GPRC6A: variants seen among roughly 807,000 people sequenced by gnomAD.
GPRC6A encodes G protein-coupled receptor class C group 6 member A.
Under a neutral mutation model 47.0 loss-of-function variants are expected in GPRC6A, and 54 were observed. The observed-to-expected ratio is 1.15, with a 90% CI of 0.92 to 1.44. The LOEUF is 1.44. Ranked by LOEUF, GPRC6A falls within the 40% of genes most tolerant of loss-of-function variation. GPRC6A has a pLI of 0.00. For synonymous variants in GPRC6A, 347 were observed against 377.1 expected, an observed-to-expected ratio of 0.92 and a Z score of 0.93; for missense variants, 1,112 against 1,105.5, an observed-to-expected ratio of 1.01 and a Z score of -0.08.
Position 116,792,865 on chromosome 6 carries a change from T to C in GPRC6A, c.2058A>G (p.Leu686=). Residue 686 remains leucine, a synonymous_variant, in exon 6 of 6, where the codon CTA becomes CTG. Transcript: ENST00000310357. ...GTAATTTGGGATCAAAGCTGAAGGC[T>C]AGCAAAATTTTCAGAGACTTCGTCA... ...CILTKSLKIL[L]AFSFDPKLQK... 1.2e-6 allele frequency: 2 copies of C among 1,614,084 alleles called. No homozygotes were observed. The highest frequency in any genetic ancestry group is 1.7e-6 in the Non-Finnish European group (2 of 1,179,986).
intron 1 of GPRC6A, among the ~76,000 whole-genome samples, chr6:116,811,307 C>T (rs536219860): frequency 3.1e-4 from 47 of 152,120 alleles, no homozygotes; most frequent in African/African-American, 1.1e-3. Flanking sequence ...CATTCTCCCC[C>T]TACAAAAACA....
chr6:116,822,767 G>A (rs868206934), intron 1 of GPRC6A, among the ~76,000 whole-genome samples: 9 of 149,582 alleles, frequency 6.0e-5, no homozygotes, highest in African/African-American at 2.0e-4. Flanking sequence ...GCTAGATGAC[G>A]AGTTAGTGGG....
At chr6:116,806,325 G>A (rs778121486) in intron 3 of GPRC6A, 45 bp downstream of exon 3, 2 of 1,237,696 alleles carry the variant, frequency 1.6e-6, no homozygotes, top group South Asian at 1.4e-5. Flanking sequence ...AGGAAATGGG[G>A]AAAATGATGG....
At chr6:116,817,655 G>A (rs9766614) in intron 1 of GPRC6A, among the ~76,000 whole-genome samples, 73,491 of 150,850 alleles carry the variant, frequency 0.49, 18,483 homozygotes, top group Middle Eastern at 0.61. Flanking sequence ...CAAATGTATA[G>A]CTAGAATAAC....
At chr6:116,801,941 G>T (rs1772688872) in intron 3 of GPRC6A, among the ~76,000 whole-genome samples, 1 of 152,058 alleles carries the variant, frequency 6.6e-6, no homozygotes, top group South Asian at 2.1e-4. Context: ...ATATGCAAGG[G>T]CCTACCTCCA....
Position 116,792,919 on chromosome 6 carries a change from C to G in GPRC6A, c.2004G>C (p.Val668=). The part of the protein sequence containing the change: ...TCKTRQTMFG[V]SFTLCISCIL... The stretch of plus-strand genomic sequence containing the variant: ...TGCAGGAGATGCAAAGAGTAAAGCT[C>G]ACTCCAAACATTGTCTGCCTGGTTT... Residue 668 remains valine, a synonymous_variant, in exon 6 of 6, where the codon GTG becomes GTC. Coordinates refer to ENST00000310357, the MANE Select transcript of GPRC6A (RefSeq NM_148963.4). 2 of 1,614,090 alleles carry G rather than the reference C, an allele frequency of 1.2e-6. No individual in the cohort carries two copies. Among genetic ancestry groups the G allele is most frequent in the Admixed American group, 1.7e-5 (1 of 59,988 alleles).
chr6:116,793,092 C>T lies in GPRC6A; in HGVS notation c.1831G>A (p.Val611Ile), dbSNP rs1455999062. 6.2e-7 allele frequency: 1 copy of T among 1,613,990 alleles called. No homozygotes were observed. The highest frequency in any genetic ancestry group is 8.5e-7 in the Non-Finnish European group (1 of 1,179,892). Residue 611 changes from valine (V) to isoleucine (I), a missense_variant, in exon 6 of 6, where the codon GTT becomes ATT. Coordinates refer to ENST00000310357, the MANE Select transcript of GPRC6A (RefSeq NM_148963.4). ...SLLGIIFVLV[V>I]GIIFTRNLNT... is the part of the protein sequence containing the mutation. ...AGGTTTCTTGTAAATATTATGCCAA[C>T]AACCAGAACAAATATGATTCCCAGT...
chr6:116,799,060 G>A (rs1221553996), intron 4 of GPRC6A, among the ~76,000 whole-genome samples: 1 of 152,122 alleles, frequency 6.6e-6, no homozygotes, highest in African/African-American at 2.4e-5. Context: ...GACCGAAAGA[G>A]AGGTGACAAG....
At chr6:116,808,262 G>A (rs1389650431) in intron 2 of GPRC6A, among the ~76,000 whole-genome samples, 2 of 152,054 alleles carry the variant, frequency 1.3e-5, no homozygotes, top group African/African-American at 4.8e-5. Flanking sequence ...TAAGAGCTGA[G>A]CTTTCTTAAA....
At position 116,806,370 on chromosome 6, in the gene GPRC6A, C is replaced by T; in HGVS notation, c.1335G>A (p.Glu445=). 1.3e-6 allele frequency: 2 copies of T among 1,587,954 alleles called. No homozygotes were observed. The highest frequency in any genetic ancestry group is 2.2e-5 in the East Asian group (1 of 44,462). Residue 445 remains glutamate, a splice_region_variant and synonymous_variant, in exon 3 of 6, where the codon GAG becomes GAA. Coordinates refer to ENST00000310357, the MANE Select transcript of GPRC6A (RefSeq NM_148963.4). The stretch of plus-strand genomic sequence containing the variant: ...TTTTCTTGGATGTGTGAGTTAGTAC[C>T]TCCCATGGTTGAAAGGCGTTGGGGT... ...CQNPNAFQPW[E]LLGVLKNVTF... is the part of the protein sequence containing the mutation.
In GPRC6A at chr6:116,792,285, T is replaced by C. The variant is rs564262212; in HGVS notation, c.2638A>G (p.Met880Val). The C allele has an allele frequency of 1.2e-5, 20 of 1,614,042 alleles. No individual in the cohort carries two copies. Among genetic ancestry groups the C allele is most frequent in the African/African-American group, 6.7e-5 (5 of 75,032 alleles). ...TTGCCACTAGAGCTGGGATTGGTCA[T>C]TGTGACATTGCCGCTCATGGAGTCC... ...SLDSMSGNVT[M>V]TNPSSSGKSA... The change falls in exon 6 of 6, where the codon ATG becomes GTG. Residue 880 changes from methionine to valine, a missense_variant. By Grantham distance (21) the Met-to-Val change is conservative (BLOSUM62 1). Transcript: ENST00000310357.
At chr6:116,808,440 A>G (rs1772921703) in intron 2 of GPRC6A, among the ~76,000 whole-genome samples, 1 of 152,116 alleles carries the variant, frequency 6.6e-6, no homozygotes, top group African/African-American at 2.4e-5. Context: ...TCTTTGATGT[A>G]TTTGATAAAT....
chr6:116,799,275 T>C (rs1772587775), intron 4 of GPRC6A, among the ~76,000 whole-genome samples: 2 of 152,148 alleles, frequency 1.3e-5, no homozygotes, highest in Non-Finnish European at 2.9e-5. Context: ...CAGACTCCCA[T>C]ATAATGATAT....
chr6:116,806,375 A>G lies in GPRC6A; in HGVS notation c.1330T>C (p.Trp444Arg). The change falls in exon 3 of 6, where the codon TGG becomes CGG. Residue 444 changes from tryptophan to arginine, a missense_variant. Physicochemically the swap from Trp to Arg is moderately radical, Grantham distance 101 (BLOSUM62 -3). Transcript: ENST00000310357. ...DCQNPNAFQP[W>R]ELLGVLKNVT... The stretch of plus-strand genomic sequence containing the variant: ...TTGGATGTGTGAGTTAGTACCTCCC[A>G]TGGTTGAAAGGCGTTGGGGTTCTGA... The G allele has an allele frequency of 1.3e-6, 2 of 1,598,466 alleles. No individual in the cohort carries two copies. The highest frequency in any genetic ancestry group is 8.6e-7 in the Non-Finnish European group (1 of 1,168,208).
intron 3 of GPRC6A, among the ~76,000 whole-genome samples, chr6:116,803,185 A>G (rs1772730505): frequency 6.6e-6 from 1 of 152,036 alleles, no homozygotes; most frequent in Non-Finnish European, 1.5e-5. Flanking sequence ...TTTACATCCA[A>G]TTGATCTCCA....
chr6:116,802,199 C>T (rs1772696341), intron 3 of GPRC6A, among the ~76,000 whole-genome samples: 1 of 152,086 alleles, frequency 6.6e-6, no homozygotes, highest in Non-Finnish European at 1.5e-5. Context: ...CAATTTTATG[C>T]TTGCTCTTAC....
intron 3 of GPRC6A, among the ~76,000 whole-genome samples, chr6:116,802,488 C>T (rs981490439): frequency 2.6e-5 from 4 of 152,094 alleles, no homozygotes; most frequent in Non-Finnish European, 5.9e-5. Context: ...CCAGGAATCA[C>T]ACCAATTAAA....
At chr6:116,809,252 C>G (rs1772946874) in intron 2 of GPRC6A, 62 bp downstream of exon 2, 1 of 1,391,400 alleles carries the variant, frequency 7.2e-7, no homozygotes, top group Non-Finnish European at 1.0e-6. Context: ...TCAGGTTTCC[C>G]TGATCCTTTC....
Position 116,800,514 on chromosome 6 carries a change from G to A in GPRC6A, c.1548+70C>T, listed in dbSNP as rs951208239. ...GCCAGATGAGTATGATGAAGAGTGG[G>A]GGCCAAGGACTTTTGCAGTTGAGGT... On this transcript the variant is annotated intron_variant, in intron 4 of 5. Coordinates refer to ENST00000310357, the MANE Select transcript of GPRC6A (RefSeq NM_148963.4). 11 of 937,340 alleles carry A rather than the reference G, an allele frequency of 1.2e-5. No individual in the cohort carries two copies. In the African/African-American group the frequency reaches 1.6e-4, roughly 14 times the overall value. The allele number at this position is 937,340 out of a possible 1,614,324, so 58.1% of individuals were successfully genotyped here. A position where few individuals can be genotyped will look rare whatever the true frequency, so the allele number is the denominator to read the frequency against.
Sources: allele counts gnomAD v4.1 joint callset (sites outside exome capture counted in the v4.1 genomes callset), GRCh38; gene constraint gnomAD v4.1.1; transcripts MANE v1.5; gene names NCBI Gene and HGNC (gene_info 2026-07-23, HGNC 2026-07-21).